TMEM63A: variants seen among roughly 807,000 people sequenced by gnomAD.
TMEM63A encodes mechanosensitive cation channel TMEM63A.
Under a neutral mutation model 100.6 loss-of-function variants are expected in TMEM63A, and 76 were observed. That is an observed-to-expected ratio of 0.76 (90% CI 0.63 to 0.91). TMEM63A has a LOEUF of 0.91. Among genes scored for constraint, TMEM63A ranks in the 40% least tolerant of loss-of-function variants. TMEM63A has a pLI of 0.00. For synonymous variants in TMEM63A, 401 were observed against 401.1 expected (o/e 1.00, Z 0.00); for missense variants, 876 against 1,008.8 (o/e 0.87, Z 1.78).
intron 4 of TMEM63A, among the ~76,000 whole-genome samples, chr1:225,874,083 C>G (rs987220246): frequency 5.3e-5 from 8 of 152,186 alleles, no homozygotes; most frequent in African/African-American, 1.7e-4. Context: ...CAGGTAGATA[C>G]ACTTAATGAA....
chr1:225,842,885 G>C (rs1264625703), downstream of TMEM63A, among the ~76,000 whole-genome samples: 1 of 152,196 alleles, frequency 6.6e-6, no homozygotes, highest in African/African-American at 2.4e-5. Flanking sequence ...ACAGGAGGCT[G>C]TTAATCTCTC....
In TMEM63A at chr1:225,853,626, C is replaced by A; in HGVS notation, c.1797+3G>T. On this transcript the variant is annotated splice_donor_region_variant and intron_variant, in intron 19 of 24. Transcript: ENST00000366835. This position sits in a 1 kb window ranked among gnomAD's most constrained non-coding sequence, Gnocchi z 4.0. ...GCACAGCCCTGGGCCCAGGGGATGG[C>A]ACCTGCTTGACATTCCTGCGGTCAG... is the stretch of plus-strand genomic sequence containing the variant. 6.4e-7 allele frequency: 1 copy of A among 1,557,818 alleles called. No homozygotes were observed. The highest frequency in any genetic ancestry group is 8.7e-7 in the Non-Finnish European group (1 of 1,150,360).
Position 225,865,477 on chromosome 1 carries a change from GAT to G in TMEM63A, c.746+418_746+419del, listed in dbSNP as rs1670155670. On this transcript the variant is annotated intron_variant, in intron 10 of 24. Transcript: ENST00000366835. The surrounding 1 kb of genome is among the most constrained non-coding windows in gnomAD (Gnocchi z 4.6). The stretch of plus-strand genomic sequence containing the variant: ...GGGTGGACAAACGAACAAACGCAGA[GAT>G]GGCCCCGAGGTCCTTCCACCTGTGA... 6.2e-6 allele frequency: 1 copy of G among 162,100 alleles called. No homozygotes were observed. Among genetic ancestry groups the G allele is most frequent in the Non-Finnish European group, 1.4e-5 (1 of 73,408 alleles). The allele number at this position is 162,100 out of a possible 1,614,324, so 10.0% of individuals were successfully genotyped here. A position where few individuals can be genotyped will look rare whatever the true frequency, so the allele number is the denominator to read the frequency against.
Position 225,862,642 on chromosome 1 carries a change from C to T in TMEM63A, c.828-64G>A, listed in dbSNP as rs551002526. On this transcript the variant is annotated intron_variant, in intron 11 of 24. Coordinates refer to ENST00000366835, the MANE Select transcript of TMEM63A (RefSeq NM_014698.3). This position sits in a 1 kb window ranked among gnomAD's most constrained non-coding sequence, Gnocchi z 5.1. ...GAATCCTGTGGCAGGGACCCCCATA[C>T]CCACAGTTCAACCATCGAACGCCAG... 1.1e-4 allele frequency: 180 copies of T among 1,602,388 alleles called. 4 individuals are homozygous for T. In the South Asian group the frequency reaches 1.9e-3, roughly 17 times the overall value.
chr1:225,859,459 G>A, intron 14 of TMEM63A, 110 bp from the exon 15 acceptor site: 1 of 1,365,072 alleles, frequency 7.3e-7, no homozygotes. Flanking sequence ...CTGGGGGCAA[G>A]TTCTCTGCAC....
rs2102615327 is a variant in TMEM63A, at chr1:225,859,337, A to G, written c.1236T>C (p.Ser412=). The G allele has an allele frequency of 6.2e-7, 1 of 1,613,682 alleles. No individual in the cohort carries two copies. Among genetic ancestry groups the G allele is most frequent in the African/African-American group, 1.3e-5 (1 of 75,034 alleles). The change falls in exon 15 of 25, where the codon TCT becomes TCC. Residue 412 remains serine, a synonymous_variant. Transcript: ENST00000366835. ...GTAGCCACCAGCGGAGGCCCTGGAT[A>G]GAGAGGTTCTTCCTGCAGCGGGAGA... is the stretch of plus-strand genomic sequence containing the variant. ...DPEDICWKNL[S]IQGLRWWLQW...
At chr1:225,858,419 G>A (rs1447429404) in intron 15 of TMEM63A, among the ~76,000 whole-genome samples, 2 of 147,232 alleles carry the variant, frequency 1.4e-5, no homozygotes, top group Non-Finnish European at 3.0e-5. Context: ...TCCACCTCCC[G>A]GTTCAAGCGA....
At chr1:225,876,487 G>C (rs1469805525) in intron 3 of TMEM63A, among the ~76,000 whole-genome samples, 2 of 152,200 alleles carry the variant, frequency 1.3e-5, no homozygotes, top group African/African-American at 4.8e-5. Flanking sequence ...TTTGTGAAAA[G>C]AAGGGGCACT....
At chr1:225,849,060 C>G (rs1474294374) in intron 21 of TMEM63A, 48 bp from the exon 22 acceptor site, 2 of 1,235,428 alleles carry the variant, frequency 1.6e-6, no homozygotes, top group Non-Finnish European at 2.3e-6. Context: ...GAGGGGCCAC[C>G]ACCTACCCTC....
In TMEM63A at chr1:225,853,706, G is replaced by A. The variant is rs765139600; in HGVS notation, c.1720C>T (p.Arg574Trp). 183 of 1,594,784 alleles carry A rather than the reference G, an allele frequency of 1.1e-4. No homozygotes were observed. Among genetic ancestry groups the A allele is most frequent in the South Asian group, 5.0e-4 (44 of 87,944 alleles). The change falls in exon 19 of 25, where the codon CGG (arginine) becomes TGG (tryptophan). Residue 574 changes from arginine (R) to tryptophan (W), a missense_variant. Arg to Trp is a moderately radical substitution (Grantham distance 101). Coordinates refer to ENST00000366835, the MANE Select transcript of TMEM63A (RefSeq NM_014698.3). This position sits in a 1 kb window ranked among gnomAD's most constrained non-coding sequence, Gnocchi z 4.0. ...AFIGNGMELL[R>W]LPGLILYTFR... ...GTATAGAGGATGAGACCTGGCAGCC[G>A]CAGCAGCTCCATGCCATTGCCGATG...
At chr1:225,857,136 G>A in intron 15 of TMEM63A, 119 bp from the exon 16 acceptor site, 2 of 844,102 alleles carry the variant, frequency 2.4e-6, no homozygotes, top group Non-Finnish European at 3.5e-6. Flanking sequence ...TGTCATCTCT[G>A]ACCCCAGAAC....
At chr1:225,881,489 C>G (rs1316514721) in intron 1 of TMEM63A, among the ~76,000 whole-genome samples, 1 of 152,196 alleles carries the variant, frequency 6.6e-6, no homozygotes, top group Non-Finnish European at 1.5e-5. Flanking sequence ...TAGAGCCCAA[C>G]GAACAGCTAG....
At chr1:225,878,881 TACCTACACACACACACACACAC>T (rs1181185666) in intron 2 of TMEM63A, among the ~76,000 whole-genome samples, 1 of 89,002 alleles carries the variant, frequency 1.1e-5, no homozygotes, top group African/African-American at 4.9e-5. Flanking sequence ...CCTACCTACC[TACCTACACACACACACACACAC>T]ACACACACAC....
downstream of TMEM63A, chr1:225,845,277 C>A: frequency 3.1e-6 from 5 of 1,613,522 alleles, no homozygotes; most frequent in Non-Finnish European, 4.2e-6. Flanking sequence ...GGCCACTTTG[C>A]GGCCTTTGAG....
intron 20 of TMEM63A, 144 bp downstream of exon 20, chr1:225,852,520 C>T (rs1410432442): frequency 2.0e-5 from 14 of 700,244 alleles, no homozygotes; most frequent in Non-Finnish European, 3.2e-5. Context: ...TCTGGTGTCA[C>T]GTGAGTCTTT....
intron 23 of TMEM63A, chr1:225,847,588 T>A (rs3753663): frequency 0.06 from 10,003 of 166,508 alleles, 388 homozygotes; most frequent in East Asian, 0.15. Context: ...GCTCAACATA[T>A]CTGTGTGAGT....
chr1:225,851,879 C>T (rs1160100877), intron 20 of TMEM63A, among the ~76,000 whole-genome samples: 1 of 152,178 alleles, frequency 6.6e-6, no homozygotes, highest in African/African-American at 2.4e-5. Flanking sequence ...GTGGCCAGGA[C>T]CTTGGTCTTT....
intron 2 of TMEM63A, among the ~76,000 whole-genome samples, chr1:225,878,769 C>T (rs1670937818): frequency 6.6e-6 from 1 of 152,032 alleles, no homozygotes; most frequent in Admixed American, 6.6e-5. Flanking sequence ...ATATAGAGAA[C>T]CCAAACAGAT....
Position 225,862,270 on chromosome 1 carries a change from G to A in TMEM63A, c.1033C>T (p.Gln345Ter). ...GTGACGAAGGCCATTCCCAGGGGCT[G>A]GTCCTGGACGTGGCGTTCTTCCTCT... ...ITEEERHVQD[Q>*]PLGMAFVTFQ... Residue 345 changes from glutamine to a stop codon, truncating the protein, a stop_gained, in exon 13 of 25, where the codon CAG becomes TAG. Coordinates refer to ENST00000366835, the MANE Select transcript of TMEM63A (RefSeq NM_014698.3). LOFTEE classifies it high-confidence loss of function. The surrounding 1 kb of genome is among the most constrained non-coding windows in gnomAD (Gnocchi z 5.1). The A allele has an allele frequency of 6.2e-7, 1 of 1,614,192 alleles. No individual in the cohort carries two copies. Among genetic ancestry groups the A allele is most frequent in the Non-Finnish European group, 8.5e-7 (1 of 1,180,026 alleles).
Sources: gnomAD v4.1 joint callset for allele counts (sites outside exome capture counted in the v4.1 genomes callset) on GRCh38, gnomAD v4.1.1 for gene constraint, Gnocchi (gnomAD v3.1) non-coding constraint, MANE v1.5 for transcripts, NCBI Gene and HGNC (gene_info 2026-07-23, HGNC 2026-07-21) for gene names.